TRIM9: variants seen among roughly 807,000 people sequenced by gnomAD.
TRIM9 encodes tripartite motif containing 9.
Under a neutral mutation model 78.3 loss-of-function variants are expected in TRIM9, and 26 were observed. The ratio of observed to expected loss-of-function variants is 0.33; its 90% CI spans 0.24 to 0.46. The LOEUF (loss-of-function observed/expected upper bound fraction) is 0.46. Ranked by LOEUF, TRIM9 falls within the 20% of genes least tolerant of loss-of-function variation. The pLI, the probability that TRIM9 is intolerant of heterozygous loss-of-function variation, is 1.00. For missense variants in TRIM9, 787 were observed against 1,036.4 expected (o/e 0.76, Z 3.30); for synonymous variants, 398 against 416.5 (o/e 0.96, Z 0.54).
intron 1 of TRIM9, among the ~76,000 whole-genome samples, chr14:51,062,232 T>A (rs1347449919): frequency 6.6e-6 from 1 of 152,230 alleles, no homozygotes; most frequent in East Asian, 1.9e-4. Context: ...TCCTTTAATA[T>A]GCTTACTATA....
At chr14:51,000,540 G>C (rs1186207527) in intron 6 of TRIM9, 143 bp downstream of exon 6, 2 of 1,091,838 alleles carry the variant, frequency 1.8e-6, no homozygotes, top group East Asian at 5.1e-5. Context: ...GAGAAAGCAG[G>C]CTTCAGGTGA....
intron 7 of TRIM9, among the ~76,000 whole-genome samples, chr14:50,995,748 C>G (rs1375703934): frequency 6.6e-6 from 1 of 151,862 alleles, no homozygotes; most frequent in Non-Finnish European, 1.5e-5. Context: ...GAACGCACCA[C>G]CCCACCACCC....
chr14:51,026,207 T>C (rs1415473038), intron 1 of TRIM9, among the ~76,000 whole-genome samples: 2 of 152,168 alleles, frequency 1.3e-5, no homozygotes, highest in African/African-American at 4.8e-5. Flanking sequence ...GCCTCTCCAC[T>C]GTGGTTCCTG....
intron 2 of TRIM9, 119 bp from the exon 3 acceptor site, chr14:51,023,076 T>C: frequency 7.5e-7 from 1 of 1,338,798 alleles, no homozygotes; most frequent in Non-Finnish European, 1.0e-6. Context: ...ACAATGCACA[T>C]TTGGTAATTT....
At chr14:50,992,734 G>C (rs1173220601) in intron 7 of TRIM9, among the ~76,000 whole-genome samples, 1 of 152,180 alleles carries the variant, frequency 6.6e-6, no homozygotes. Flanking sequence ...TTCCTTCAAT[G>C]CACAGAAGAA....
intron 1 of TRIM9, among the ~76,000 whole-genome samples, chr14:51,027,132 CTTTTTTTTTTTTTT>C (rs566767264): frequency 2.3e-5 from 2 of 85,770 alleles, no homozygotes; most frequent in East Asian, 4.1e-4. Flanking sequence ...TGGCTGTTAA[CTTTTTTTTTTTTTT>C]TTTTTTTTTT....
At chr14:50,986,689 T>C (rs1328137961) in intron 7 of TRIM9, among the ~76,000 whole-genome samples, 1 of 152,172 alleles carries the variant, frequency 6.6e-6, no homozygotes, top group Non-Finnish European at 1.5e-5. Flanking sequence ...AGACTCTATC[T>C]TTGAATAGGA....
intron 7 of TRIM9, chr14:50,997,831 A>C: frequency 7.2e-7 from 1 of 1,392,584 alleles, no homozygotes; most frequent in Non-Finnish European, 9.3e-7. Context: ...CGCCGGCCCA[A>C]GCCATTGGAA....
chr14:50,983,525 C>A (rs1029656999), intron 8 of TRIM9, 104 bp from the exon 9 acceptor site: 4 of 744,218 alleles, frequency 5.4e-6, no homozygotes, highest in Non-Finnish European at 8.0e-6. Flanking sequence ...ATACCAGAGG[C>A]CTGATCCATG....
At chr14:51,059,797 C>CAA (rs58885832) in intron 1 of TRIM9, among the ~76,000 whole-genome samples, 2,675 of 121,324 alleles carry the variant, frequency 0.022, 42 homozygotes, top group Non-Finnish European at 0.033. Flanking sequence ...GACTCTGTCT[C>CAA]AAAAAAAAAA....
At chr14:51,001,382 A>T (rs950721392) in intron 5 of TRIM9, among the ~76,000 whole-genome samples, 2 of 150,966 alleles carry the variant, frequency 1.3e-5, no homozygotes, top group Non-Finnish European at 3.0e-5. Flanking sequence ...GGCGCCCGCC[A>T]CCACGCCCGG....
At chr14:51,092,811 T>A (rs760558741) in intron 1 of TRIM9, among the ~76,000 whole-genome samples, 7 of 152,036 alleles carry the variant, frequency 4.6e-5, no homozygotes, top group African/African-American at 1.7e-4. Flanking sequence ...AAAAATAACA[T>A]AATTAAAATA....
At position 50,979,539 on chromosome 14, in the gene TRIM9, C is replaced by G; in HGVS notation, c.2173G>C (p.Gly725Arg). Residue 725 changes from glycine (G) to arginine (R), a missense_variant, in exon 12 of 13, where the codon GGG becomes CGG. Around this residue, in one of 3 missense-constraint regions of TRIM9, gnomAD observed 421 missense variants for 514.3 expected, o/e 0.82. Coordinates refer to ENST00000684578, the MANE Select transcript of TRIM9 (RefSeq NM_001387360.1). The stretch of plus-strand genomic sequence containing the variant: ...CCAATTGTGGCCCCTTTTGTGATCC[C>G]TCCCTCAGTTCTGTAGGAAAAGAGA... ...NNSHTNRTEG[G>R]ITKGATIGVL... 1 of 1,613,882 alleles carries G rather than the reference C, an allele frequency of 6.2e-7. No homozygotes were observed.
chr14:51,068,036 A>C (rs2061899933), intron 1 of TRIM9, among the ~76,000 whole-genome samples: 1 of 152,202 alleles, frequency 6.6e-6, no homozygotes. Context: ...ATGTGCATCA[A>C]AATCACCTAG....
In TRIM9 at chr14:51,010,465, T is replaced by C. The variant is rs1306853658; in HGVS notation, c.1071A>G (p.Thr357=). 3.7e-6 allele frequency: 6 copies of C among 1,613,828 alleles called. No homozygotes were observed. Among genetic ancestry groups the C allele is most frequent in the South Asian group, 2.2e-5 (2 of 91,078 alleles). ...GACCTGTGGTCTGGCGCAATTTCAC[T>C]GTGCAGTGAGAGATCTGATCTCGAA... is the stretch of plus-strand genomic sequence containing the variant. ...KVVRDQISHC[T]VKLRQTTGLM... Residue 357 remains threonine (T), a synonymous_variant, in exon 4 of 13, where the codon ACA becomes ACG. Transcript: ENST00000684578.
chr14:50,991,518 C>G (rs2139410382), intron 7 of TRIM9, among the ~76,000 whole-genome samples: 1 of 152,218 alleles, frequency 6.6e-6, no homozygotes, highest in Middle Eastern at 3.4e-3. Context: ...TGCTCTGGGT[C>G]AGGAAAAGCA....
At chr14:51,054,774 C>T (rs1249189183) in intron 1 of TRIM9, among the ~76,000 whole-genome samples, 1 of 151,774 alleles carries the variant, frequency 6.6e-6, no homozygotes, top group Non-Finnish European at 1.5e-5. Context: ...GTCTTGACCT[C>T]GTGATCCACC....
At chr14:51,011,916 A>G (rs993665079) in intron 3 of TRIM9, among the ~76,000 whole-genome samples, 1 of 152,188 alleles carries the variant, frequency 6.6e-6, no homozygotes, top group African/African-American at 2.4e-5. Flanking sequence ...GCCACAACCA[A>G]TGGTTACAAA....
intron 5 of TRIM9, 87 bp from the exon 6 acceptor site, chr14:51,000,927 C>G: frequency 6.5e-7 from 1 of 1,531,434 alleles, no homozygotes; most frequent in South Asian, 1.2e-5. Context: ...CTGATAAACA[C>G]GTGGTTAGAA....
Sources: gnomAD v4.1 joint callset for allele counts (sites outside exome capture counted in the v4.1 genomes callset) on GRCh38, gnomAD v4.1.1 for gene constraint, gnomAD v4.1.1 regional missense constraint, MANE v1.5 for transcripts, NCBI Gene and HGNC (gene_info 2026-07-23, HGNC 2026-07-21) for gene names.